FREM1: variants seen among roughly 807,000 people sequenced by gnomAD.
The protein encoded by FREM1 is FRAS1-related extracellular matrix protein 1.
Under a neutral mutation model 210.1 loss-of-function variants are expected in FREM1, and 220 were observed. The observed-to-expected ratio is 1.05, with a 90% confidence interval of 0.94 to 1.17. FREM1 has a LOEUF of 1.17. Ranked by LOEUF, FREM1 falls within the 50% of genes most tolerant of loss-of-function variation. FREM1 has a pLI of 0.00. For missense variants in FREM1, 3,454 were observed against 2,675.5 expected (o/e 1.29, Z -6.42); for synonymous variants, 1,189 against 980.2 (o/e 1.21, Z -3.98).
rs1439608588 is a variant in FREM1, at chr9:14,828,641, G to T, written c.1882-3649C>A. Among the ~76,000 whole-genome samples the T allele has an allele frequency of 2.4e-4, 30 of 124,792 alleles. 4 individuals are homozygous for T. Among genetic ancestry groups the T allele is most frequent in the Non-Finnish European group, 6.9e-5 (4 of 57,804 alleles). The allele number at this position is 124,792 out of a possible 152,430, so 81.9% of individuals were successfully genotyped here. On this transcript the variant is annotated intron_variant, in intron 10 of 36. Transcript: ENST00000380880. ...GGGAGAAGAACATAAATTGTGGCGG[G>T]GCGGGGGAGGTGCCGGGGTAGAATG...
chr9:14,777,302 A>G (rs1011529690), intron 24 of FREM1, among the ~76,000 whole-genome samples: 5 of 152,232 alleles, frequency 3.3e-5, no homozygotes, highest in Non-Finnish European at 5.9e-5. Flanking sequence ...TCTTTGTAGC[A>G]TTACAATATG....
chr9:14,845,694 T>A (rs1826481278), intron 8 of FREM1, among the ~76,000 whole-genome samples: 1 of 152,188 alleles, frequency 6.6e-6, no homozygotes, highest in Non-Finnish European at 1.5e-5. Context: ...GGAGTATACT[T>A]ACAAGAAGCC....
chr9:14,765,734 A>G (rs1053844382), intron 27 of FREM1, among the ~76,000 whole-genome samples: 3 of 152,230 alleles, frequency 2.0e-5, no homozygotes, highest in Admixed American at 6.5e-5. Context: ...AATGGACAAC[A>G]GAACAGTTAG....
intron 1 of FREM1, among the ~76,000 whole-genome samples, chr9:14,887,117 A>C (rs929665743): frequency 2.6e-5 from 4 of 152,180 alleles, no homozygotes; most frequent in Admixed American, 2.6e-4. Context: ...GGGGCAATGA[A>C]CTGGAAATCA....
intron 8 of FREM1, among the ~76,000 whole-genome samples, chr9:14,844,405 A>T (rs1304000974): frequency 6.6e-6 from 1 of 151,976 alleles, no homozygotes; most frequent in Non-Finnish European, 1.5e-5. Flanking sequence ...TTATGTTTTT[A>T]GTAGAGATGG....
At chr9:14,820,037 T>A (rs932752664) in intron 13 of FREM1, among the ~76,000 whole-genome samples, 1 of 152,320 alleles carries the variant, frequency 6.6e-6, no homozygotes, top group East Asian at 1.9e-4. Flanking sequence ...ACAAAGATAA[T>A]TTGCTATAAT....
At chr9:14,834,106 A>T (rs920142771) in intron 10 of FREM1, among the ~76,000 whole-genome samples, 1 of 152,232 alleles carries the variant, frequency 6.6e-6, no homozygotes, top group South Asian at 2.1e-4. Flanking sequence ...TTTGGTGAGT[A>T]ATAACTAGGT....
chr9:14,823,416 A>T (rs1222527177), intron 12 of FREM1, 89 bp from the exon 13 acceptor site: 1 of 1,150,140 alleles, frequency 8.7e-7, no homozygotes, highest in Admixed American at 2.1e-5. Flanking sequence ...ATGTTAATTG[A>T]TATTGAACAC....
intron 16 of FREM1, among the ~76,000 whole-genome samples, chr9:14,809,657 T>C (rs1301977066): frequency 1.3e-5 from 2 of 152,216 alleles, no homozygotes; most frequent in African/African-American, 4.8e-5. Context: ...GCAAACTGGC[T>C]TAAAAATGTG....
At position 14,836,538 on chromosome 9, in the gene FREM1, C is replaced by T. The variant is rs1824645285; in HGVS notation, c.1881+4909G>A. 1.3e-5 allele frequency among the ~76,000 whole-genome samples: 2 copies of T among 152,222 alleles called. No individual in the cohort carries two copies. Among genetic ancestry groups the T allele is most frequent in the African/African-American group, 4.8e-5 (2 of 41,448 alleles). ...TGCCGGCTTCAGCCCTGGGCGGCTACAATCCCTCTTTAATAAATTCCAGTC... is the reference window on the plus strand; with the variant it reads ...TGCCGGCTTCAGCCCTGGGCGGCTATAATCCCTCTTTAATAAATTCCAGTC... On this transcript the variant is annotated intron_variant, in intron 10 of 36. Transcript: ENST00000380880. This position sits in a 1 kb window ranked among gnomAD's most constrained non-coding sequence, Gnocchi z 4.9.
chr9:14,833,042 T>C (rs538163113), intron 10 of FREM1, among the ~76,000 whole-genome samples: 1 of 152,156 alleles, frequency 6.6e-6, no homozygotes, highest in Non-Finnish European at 1.5e-5. Flanking sequence ...TCGGTAACCA[T>C]GTGGCAATAC....
intron 4 of FREM1, among the ~76,000 whole-genome samples, chr9:14,857,971 CA>C (rs896813163): frequency 6.6e-5 from 10 of 152,142 alleles, no homozygotes; most frequent in Admixed American, 6.5e-4. Flanking sequence ...CCTCACCCAC[CA>C]AAAGTTAAAC....
At chr9:14,812,737 A>G (rs1819622970) in intron 16 of FREM1, 75 bp downstream of exon 16, 4 of 1,426,858 alleles carry the variant, frequency 2.8e-6, no homozygotes, top group Middle Eastern at 2.5e-4. Context: ...CTGTTTGATT[A>G]TGGGAGCCCA....
chr9:14,757,898 T>C (rs1037865163), intron 28 of FREM1, among the ~76,000 whole-genome samples: 11 of 152,204 alleles, frequency 7.2e-5, no homozygotes, highest in African/African-American at 2.7e-4. Flanking sequence ...TGGAACCACC[T>C]TTCATTGTGA....
chr9:14,825,076 A>G, intron 10 of FREM1, 84 bp from the exon 11 acceptor site: 12 of 897,440 alleles, frequency 1.3e-5, no homozygotes, highest in Non-Finnish European at 2.0e-5. Context: ...AGTCACAGTT[A>G]AGATAATTTC....
At chr9:14,865,587 T>A (rs1023170386) in intron 2 of FREM1, among the ~76,000 whole-genome samples, 10 of 152,150 alleles carry the variant, frequency 6.6e-5, no homozygotes, top group Admixed American at 5.9e-4. Flanking sequence ...AATACAGTCG[T>A]CTTGCTAGAA....
chr9:14,802,424 G>C (rs180951525), intron 19 of FREM1, among the ~76,000 whole-genome samples: 2 of 152,276 alleles, frequency 1.3e-5, no homozygotes, highest in Admixed American at 1.3e-4. Context: ...AATGCCAAAG[G>C]ATGCTACTGG....
chr9:14,850,243 G>T (rs1827449317), intron 6 of FREM1, among the ~76,000 whole-genome samples: 1 of 152,142 alleles, frequency 6.6e-6, no homozygotes, highest in Admixed American at 6.5e-5. Context: ...GGTGGAACCT[G>T]CAGCAAAAGG....
At chr9:14,891,816 C>A (rs1282423370) in intron 1 of FREM1, among the ~76,000 whole-genome samples, 31 of 152,042 alleles carry the variant, frequency 2.0e-4, no homozygotes, top group Admixed American at 2.0e-3. Flanking sequence ...ATGTCAGAAG[C>A]AAGGAGTTTT....
Sources: allele counts gnomAD v4.1 joint callset (sites outside exome capture counted in the v4.1 genomes callset), GRCh38; gene constraint gnomAD v4.1.1; non-coding constraint Gnocchi (gnomAD v3.1); transcripts MANE v1.5; gene names NCBI Gene and HGNC (gene_info 2026-07-23, HGNC 2026-07-21).